Variants in RABGAP1L observed in about 807,000 individuals in gnomAD.
RABGAP1L encodes the protein rab GTPase-activating protein 1-like.
A neutral mutation model predicts 137.7 loss-of-function variants in RABGAP1L; 63 were observed. The observed-to-expected ratio is 0.46, with a 90% CI of 0.37 to 0.56. The LOEUF is 0.56. Ranked by LOEUF, RABGAP1L falls within the 20% of genes least tolerant of loss-of-function variation. The pLI is 0.00. For synonymous variants in RABGAP1L, 431 were observed against 433.7 expected (o/e 0.99, Z 0.08); for missense variants, 1,095 against 1,244.0 (o/e 0.88, Z 1.80).
chr1:174,284,217 A>G (rs1268244998), intron 10 of RABGAP1L, among the ~76,000 whole-genome samples: 2 of 152,186 alleles, frequency 1.3e-5, no homozygotes, highest in African/African-American at 2.4e-5. Context: ...CTTATAACTG[A>G]AAGTTTTTAC....
In RABGAP1L at chr1:174,319,889, TC is replaced by T. The variant is rs1679784729; in HGVS notation, c.1465+14763del. ...GTTATTTAGTTAGCACTCTTTACTT[TC>T]TCGTGCCTTGCCATTTTGCTTCATC... On this transcript the variant is annotated intron_variant, in intron 11 of 25. Coordinates refer to ENST00000681986, the MANE Select transcript of RABGAP1L (RefSeq NM_001366446.1). Among the ~76,000 whole-genome samples, 2 of 151,530 alleles carry T rather than the reference TC, an allele frequency of 1.3e-5. 1 individual carries two copies. The highest frequency in any genetic ancestry group is 4.2e-4 in the South Asian group (2 of 4,802).
At chr1:174,508,235 G>A (rs1173932603) in intron 13 of RABGAP1L, among the ~76,000 whole-genome samples, 2 of 152,038 alleles carry the variant, frequency 1.3e-5, no homozygotes, top group African/African-American at 4.8e-5. Flanking sequence ...CCTGAGACCT[G>A]TTATCGACTC....
At chr1:174,833,408 G>GTGTGTGTGTGTGTGTATA (rs754029582) in intron 19 of RABGAP1L, among the ~76,000 whole-genome samples, 2 of 67,614 alleles carry the variant, frequency 3.0e-5, no homozygotes, top group African/African-American at 8.2e-5. Flanking sequence ...GTGTATGTGT[G>GTGTGTGTGTGTGTGTATA]TATGTGTGTG....
chr1:174,374,630 C>T (rs927475467), intron 12 of RABGAP1L, among the ~76,000 whole-genome samples: 25 of 152,048 alleles, frequency 1.6e-4, no homozygotes, highest in African/African-American at 5.1e-4. Flanking sequence ...TAAGATCTAT[C>T]GGAGGGGAAT....
chr1:174,838,620 A>G (rs1179898156), intron 19 of RABGAP1L, among the ~76,000 whole-genome samples: 1 of 152,176 alleles, frequency 6.6e-6, no homozygotes, highest in African/African-American at 2.4e-5. Flanking sequence ...CTGCTTAACC[A>G]GAAAAAGAGG....
At chr1:174,605,163 A>G (rs1330397108) in intron 13 of RABGAP1L, among the ~76,000 whole-genome samples, 1 of 152,096 alleles carries the variant, frequency 6.6e-6, no homozygotes, top group African/African-American at 2.4e-5. Flanking sequence ...AAACAAACAA[A>G]CAAACAAACA....
intron 19 of RABGAP1L, chr1:174,877,433 C>T (rs1198974393): frequency 7.5e-6 from 12 of 1,599,988 alleles, no homozygotes; most frequent in Non-Finnish European, 1.0e-5. Flanking sequence ...AGGATTTTTC[C>T]TTGGATAGTC....
At chr1:174,525,560 T>C (rs1457094250) in intron 13 of RABGAP1L, among the ~76,000 whole-genome samples, 4 of 152,144 alleles carry the variant, frequency 2.6e-5, no homozygotes, top group African/African-American at 9.7e-5. Flanking sequence ...TTAGTTTTTC[T>C]AAACATAAGA....
intron 11 of RABGAP1L, among the ~76,000 whole-genome samples, chr1:174,312,417 A>T (rs1399473267): frequency 6.6e-6 from 1 of 152,052 alleles, no homozygotes; most frequent in African/African-American, 2.4e-5. Flanking sequence ...GTCTATTCAA[A>T]TCTTTTGCCC....
intron 4 of RABGAP1L, among the ~76,000 whole-genome samples, chr1:174,239,378 C>G (rs917741890): frequency 2.6e-5 from 4 of 152,212 alleles, no homozygotes; most frequent in Non-Finnish European, 5.9e-5. Context: ...ATACTAGCCT[C>G]TGTATTCATT....
chr1:174,394,949 GT>G (rs200599515), intron 13 of RABGAP1L, among the ~76,000 whole-genome samples: 20,884 of 142,906 alleles, frequency 0.15, 4,856 homozygotes, highest in African/African-American at 0.49. Flanking sequence ...GCTGAATTCA[GT>G]TTTTTTTTTT....
intron 13 of RABGAP1L, among the ~76,000 whole-genome samples, chr1:174,586,383 C>T (rs1338334966): frequency 6.6e-6 from 1 of 151,496 alleles, no homozygotes; most frequent in Admixed American, 6.6e-5. Flanking sequence ...CACACTGGGA[C>T]CTGTCAGGGG....
At chr1:174,730,345 A>C (rs926862815) in intron 17 of RABGAP1L, among the ~76,000 whole-genome samples, 21 of 152,212 alleles carry the variant, frequency 1.4e-4, no homozygotes, top group African/African-American at 5.1e-4. Flanking sequence ...ACAAGGGTTG[A>C]CAAGCTAACT....
At chr1:174,736,673 T>G (rs1302788651) in intron 17 of RABGAP1L, among the ~76,000 whole-genome samples, 2 of 152,268 alleles carry the variant, frequency 1.3e-5, no homozygotes, top group Non-Finnish European at 2.9e-5. Context: ...GGCAGTCTTC[T>G]GCCTGGGCAC....
At chr1:174,649,256 G>C (rs1675251961) in intron 14 of RABGAP1L, among the ~76,000 whole-genome samples, 1 of 152,024 alleles carries the variant, frequency 6.6e-6, no homozygotes, top group Non-Finnish European at 1.5e-5. Flanking sequence ...ATGCTAGCTG[G>C]TTCTTTTGCC....
intron 1 of RABGAP1L, among the ~76,000 whole-genome samples, chr1:174,211,096 C>T (rs1423061318): frequency 6.6e-6 from 1 of 152,114 alleles, no homozygotes; most frequent in Non-Finnish European, 1.5e-5. Flanking sequence ...AAAGGGAGTA[C>T]TTCAACCAGA....
At chr1:174,792,655 A>G (rs559622960) in intron 18 of RABGAP1L, among the ~76,000 whole-genome samples, 4 of 152,370 alleles carry the variant, frequency 2.6e-5, no homozygotes, top group African/African-American at 7.2e-5. Context: ...ATCAAATTAT[A>G]CATATAAAAT....
chr1:174,219,076 ATGTTTT>A, intron 1 of RABGAP1L, 43 bp from the exon 2 acceptor site: 4 of 1,332,544 alleles, frequency 3.0e-6, no homozygotes, highest in Non-Finnish European at 4.1e-6. Flanking sequence ...TAATTAGTTC[ATGTTTT>A]TAATCAGTAG....
chr1:174,526,409 A>C (rs935669221), intron 13 of RABGAP1L, among the ~76,000 whole-genome samples: 1 of 152,186 alleles, frequency 6.6e-6, no homozygotes, highest in Non-Finnish European at 1.5e-5. Flanking sequence ...TAGTTTGAGG[A>C]GGATTGGTAT....
Sources: allele counts gnomAD v4.1 joint callset (sites outside exome capture counted in the v4.1 genomes callset), GRCh38; gene constraint gnomAD v4.1.1; transcripts MANE v1.5; gene names NCBI Gene and HGNC (gene_info 2026-07-23, HGNC 2026-07-21).